The following MED23 variants were observed in gnomAD, a reference collection of about 807,000 sequenced individuals.
MED23 encodes mediator complex subunit 23.
Under a neutral mutation model 163.9 loss-of-function variants are expected in MED23, and 105 were observed. The observed-to-expected ratio is 0.64, with a 90% CI of 0.55 to 0.75. MED23 has a LOEUF of 0.75. Among genes scored for constraint, MED23 ranks in the 30% least tolerant of loss-of-function variants. The pLI is 0.00. For missense variants in MED23, 1,054 were observed against 1,649.0 expected, an observed-to-expected ratio of 0.64 and a Z score of 6.25; for synonymous variants, 561 against 565.6, an observed-to-expected ratio of 0.99 and a Z score of 0.12.
chr6:131,583,362 A>G (rs894974293), downstream of MED23: 1 of 1,614,172 alleles, frequency 6.2e-7, no homozygotes, highest in Admixed American at 1.7e-5. Context: ...AAGAAAGAAA[A>G]GGCCAATTCA....
At chr6:131,606,254 A>T (rs181014166) in intron 13 of MED23, among the ~76,000 whole-genome samples, 17 of 145,052 alleles carry the variant, frequency 1.2e-4, no homozygotes, top group Admixed American at 4.7e-4. Flanking sequence ...CTTAAAAATT[A>T]AAAAAAAAAA....
chr6:131,615,831 G>T, intron 10 of MED23, 76 bp downstream of exon 10: 2 of 1,063,810 alleles, frequency 1.9e-6, no homozygotes, highest in Non-Finnish European at 2.9e-6. Flanking sequence ...TGCTCAGTTA[G>T]CTATAGCAAA....
intron 10 of MED23, among the ~76,000 whole-genome samples, chr6:131,612,339 A>G (rs1776338948): frequency 6.6e-6 from 1 of 152,100 alleles, no homozygotes; most frequent in Non-Finnish European, 1.5e-5. Context: ...CTACTTCAGA[A>G]TAATAAACTG....
intron 30 of MED23, among the ~76,000 whole-genome samples, chr6:131,580,377 G>A (rs759564386): frequency 1.3e-5 from 2 of 152,156 alleles, no homozygotes; most frequent in Non-Finnish European, 2.9e-5. Flanking sequence ...ATACCTGAAC[G>A]TTAAGGCATT....
intron 8 of MED23, among the ~76,000 whole-genome samples, chr6:131,619,531 A>G (rs1033348908): frequency 6.6e-6 from 1 of 152,200 alleles, no homozygotes; most frequent in South Asian, 2.1e-4. Context: ...AGCTGCCTAG[A>G]AATTCCATGG....
At chr6:131,579,156 CTAA>C (rs1773785398) in intron 30 of MED23, 2 of 1,614,086 alleles carry the variant, frequency 1.2e-6, no homozygotes, top group Admixed American at 1.7e-5. Flanking sequence ...GCTGACATCC[CTAA>C]TGACAGTCCC....
At chr6:131,608,686 G>A (rs1286522837) in intron 11 of MED23, among the ~76,000 whole-genome samples, 5 of 152,144 alleles carry the variant, frequency 3.3e-5, no homozygotes, top group Non-Finnish European at 5.9e-5. Flanking sequence ...GATTACAGGA[G>A]TGAGCCACCC....
At position 131,598,786 on chromosome 6, in the gene MED23, T is replaced by C. The variant is rs1306601018; in HGVS notation, c.2221-25A>G. On this transcript the variant is annotated intron_variant, in intron 18 of 28. Coordinates refer to ENST00000368068, the MANE Select transcript of MED23 (RefSeq NM_004830.4). The surrounding 1 kb of genome is among the most constrained non-coding windows in gnomAD (Gnocchi z 4.7). The stretch of plus-strand genomic sequence containing the variant: ...CCTAAAAAGAGGATTAGAAGTTTAT[T>C]TCATTGGTTATAGTAGAAAGAGCAC... The C allele has an allele frequency of 6.2e-7, 1 of 1,602,876 alleles. No homozygotes were observed. The highest frequency in any genetic ancestry group is 1.7e-5 in the Admixed American group (1 of 60,002).
chr6:131,592,286 C>G, intron 25 of MED23, 102 bp downstream of exon 25: 1 of 933,552 alleles, frequency 1.1e-6, no homozygotes, highest in South Asian at 1.4e-5. Flanking sequence ...ATTTGCATGA[C>G]GTCCCGTACA....
intron 6 of MED23, 46 bp from the exon 7 acceptor site, chr6:131,620,775 A>C: frequency 9.2e-7 from 1 of 1,085,070 alleles, no homozygotes; most frequent in Non-Finnish European, 1.4e-6. Context: ...AGTCCCACAT[A>C]TAAGCCCTTT....
rs751914706 is a variant in MED23 at position 131,598,350 on chromosome 6, T to C, written c.2544A>G (p.Glu848=). The C allele has an allele frequency of 6.2e-7, 1 of 1,614,072 alleles. No homozygotes were observed. Among genetic ancestry groups the C allele is most frequent in the Non-Finnish European group, 8.5e-7 (1 of 1,179,982 alleles). Residue 848 remains glutamate (E), a synonymous_variant, in exon 20 of 29, where the codon GAA becomes GAG. Transcript: ENST00000368068. This position sits in a 1 kb window ranked among gnomAD's most constrained non-coding sequence, Gnocchi z 4.7. Reference sequence around the variant, plus strand: ...ACTTCCATACCATGTCATTAAGAATTTCAATGCATTTATTGAGTTGCTGAC... The same window carrying C: ...ACTTCCATACCATGTCATTAAGAATCTCAATGCATTTATTGAGTTGCTGAC... ...AGGQQLNKCI[E]ILNDMVWKYN... is the part of the protein sequence containing the mutation.
intron 16 of MED23, 81 bp downstream of exon 16, chr6:131,602,949 G>A (rs568974247): frequency 1.4e-6 from 2 of 1,392,120 alleles, no homozygotes; most frequent in African/African-American, 2.9e-5. Flanking sequence ...AAACTATAAG[G>A]TAAAGGTAAA....
intron 8 of MED23, among the ~76,000 whole-genome samples, 155 bp downstream of exon 8, chr6:131,619,671 TG>T (rs71545010): frequency 6.6e-6 from 1 of 152,066 alleles, no homozygotes; most frequent in Non-Finnish European, 1.5e-5. Flanking sequence ...ACAGAGTAAG[TG>T]AAAACAAGGG....
At chr6:131,619,705 A>G (rs1776944980) in intron 8 of MED23, 122 bp downstream of exon 8, 2 of 745,364 alleles carry the variant, frequency 2.7e-6, no homozygotes, top group East Asian at 2.6e-5. Flanking sequence ...TTAAGCTCTT[A>G]GAGAGTCACC....
intron 30 of MED23, chr6:131,579,566 A>G: frequency 3.2e-6 from 1 of 310,100 alleles, no homozygotes; most frequent in Non-Finnish European, 6.1e-6. Context: ...ACATTTCTAA[A>G]TAAGTATGTG....
exon 31 of MED23, chr6:131,574,032 T>A: frequency 1.9e-6 from 1 of 525,398 alleles, no homozygotes; most frequent in Middle Eastern, 5.1e-4. Flanking sequence ...CCACGAGCTG[T>A]GAATCCACAC....
downstream of MED23, among the ~76,000 whole-genome samples, chr6:131,584,994 G>GAA (rs59211845): frequency 2.6e-4 from 25 of 94,678 alleles, no homozygotes; most frequent in African/African-American, 9.0e-4. Context: ...ATGAGACCCT[G>GAA]AAAAAAAAAA....
At chr6:131,584,816 TACAC>T (rs59196638), downstream of MED23, among the ~76,000 whole-genome samples, 2,059 of 134,100 alleles carry the variant, frequency 0.015, 16 homozygotes, top group Middle Eastern at 0.025. Context: ...CTACAAAAAA[TACAC>T]ACACACACAC....
intron 18 of MED23, among the ~76,000 whole-genome samples, chr6:131,599,355 T>C (rs1349475584): frequency 6.6e-6 from 1 of 152,226 alleles, no homozygotes; most frequent in Middle Eastern, 3.2e-3. Context: ...CCTAACATTT[T>C]TTCTGAAAAG....
Sources: gnomAD v4.1 joint callset for allele counts (sites outside exome capture counted in the v4.1 genomes callset) on GRCh38, gnomAD v4.1.1 for gene constraint, Gnocchi (gnomAD v3.1) non-coding constraint, MANE v1.5 for transcripts, NCBI Gene and HGNC (gene_info 2026-07-23, HGNC 2026-07-21) for gene names.